Variants in MRPL39 observed in about 807,000 individuals in gnomAD.
The protein encoded by MRPL39 is large ribosomal subunit protein mL39.
Under a neutral mutation model 44.5 loss-of-function variants are expected in MRPL39, and 35 were observed. That is an observed-to-expected ratio of 0.79 (90% CI 0.60 to 1.04). The LOEUF (loss-of-function observed/expected upper bound fraction) is 1.04. Among genes scored for constraint, MRPL39 ranks in the 50% least tolerant of loss-of-function variants. The pLI, the probability that MRPL39 is intolerant of heterozygous loss-of-function variation, is 0.00. For synonymous variants in MRPL39, 139 were observed against 136.1 expected, an observed-to-expected ratio of 1.02 and a Z score of -0.15; for missense variants, 433 against 413.5, an observed-to-expected ratio of 1.05 and a Z score of -0.41.
intron 8 of MRPL39, among the ~76,000 whole-genome samples, chr21:25,590,949 T>C (rs752757658): frequency 1.3e-5 from 2 of 152,096 alleles, no homozygotes; most frequent in South Asian, 2.1e-4. Context: ...TGGAACAGAA[T>C]AGAGGACCCA....
At chr21:25,592,241 T>C (rs1443451538) in intron 8 of MRPL39, among the ~76,000 whole-genome samples, 1 of 152,180 alleles carries the variant, frequency 6.6e-6, no homozygotes. Context: ...ATCCCCGTAG[T>C]GAAGGAATTG....
chr21:25,598,856 GAA>G (rs57011739), intron 5 of MRPL39, among the ~76,000 whole-genome samples: 89,522 of 136,504 alleles, frequency 0.66, 30,553 homozygotes, highest in Non-Finnish European at 0.78. Context: ...TTACTAAGGG[GAA>G]AAAAAAAAAA....
intron 6 of MRPL39, among the ~76,000 whole-genome samples, chr21:25,594,249 C>CTTTTT (rs34629790): frequency 7.4e-5 from 4 of 54,228 alleles, no homozygotes; most frequent in East Asian, 2.9e-4. Flanking sequence ...TTTCTTTGTT[C>CTTTTT]TTTTTTTTTT....
intron 6 of MRPL39, among the ~76,000 whole-genome samples, chr21:25,594,709 A>G (rs1245641441): frequency 6.6e-6 from 1 of 152,070 alleles, no homozygotes; most frequent in Non-Finnish European, 1.5e-5. Flanking sequence ...CAACTTATGT[A>G]GTTGTATGTC....
chr21:25,598,252 T>C (rs933415398), intron 5 of MRPL39, among the ~76,000 whole-genome samples: 1 of 72,106 alleles, frequency 1.4e-5, no homozygotes, highest in Non-Finnish European at 4.5e-5. Flanking sequence ...CCCAACTCCA[T>C]GGAGTCTGCA....
intron 6 of MRPL39, among the ~76,000 whole-genome samples, chr21:25,596,172 C>T (rs1273871082): frequency 1.3e-5 from 2 of 151,892 alleles, no homozygotes; most frequent in Non-Finnish European, 2.9e-5. Flanking sequence ...CACCTAGGCT[C>T]ACTGCAAGCT....
At chr21:25,587,913 A>C in intron 9 of MRPL39, 1 of 714,734 alleles carries the variant, frequency 1.4e-6, no homozygotes, top group Non-Finnish European at 2.5e-6. Flanking sequence ...ATAAGGAGGA[A>C]GTCCTAATGA....
Position 25,601,404 on chromosome 21 carries a change from A to G in MRPL39, c.484T>C (p.Tyr162His). The change falls in exon 4 of 10, where the codon TAT becomes CAT. Residue 162 changes from tyrosine (Y) to histidine (H), a missense_variant. Tyr to His is a moderately conservative substitution (Grantham distance 83, BLOSUM62 2). Transcript: ENST00000352957. ...GGAGCTCTGACCAAATTGACCATAT[A>G]TTCATCTTTGAATGCCCTCTCTATC... ...CVIERAFKDE[Y>H]MVNLVRAPEV... 1 of 1,611,122 alleles carries G rather than the reference A, an allele frequency of 6.2e-7. No individual in the cohort carries two copies. Among genetic ancestry groups the G allele is most frequent in the Non-Finnish European group, 8.5e-7 (1 of 1,178,294 alleles).
chr21:25,606,661 G>C lies in MRPL39; in HGVS notation c.74-6C>G, dbSNP rs373863098. 125 of 1,601,686 alleles carry C rather than the reference G, an allele frequency of 7.8e-5. No homozygotes were observed. The highest frequency in any genetic ancestry group is 3.3e-4 in the Middle Eastern group (2 of 6,016). ...TGACGATGTTGCTATAAATCCTGTG[G>C]AGAAGTTACAATAAATATGAAGACT... On this transcript the variant is annotated splice_polypyrimidine_tract_variant and splice_region_variant and intron_variant, in intron 1 of 9. Transcript: ENST00000352957.
chr21:25,589,807 T>C (rs961910852), intron 8 of MRPL39, among the ~76,000 whole-genome samples: 7 of 110,074 alleles, frequency 6.4e-5, no homozygotes, highest in Admixed American at 1.7e-4. Flanking sequence ...ACTGGTATGT[T>C]TAAAGGGAAA....
intron 4 of MRPL39, among the ~76,000 whole-genome samples, chr21:25,600,725 T>G (rs1261960454): frequency 6.6e-6 from 1 of 152,172 alleles, no homozygotes; most frequent in Non-Finnish European, 1.5e-5. Context: ...TATTACCACC[T>G]AAGCACAGCT....
At chr21:25,593,191 G>A (rs1157554388) in intron 7 of MRPL39, among the ~76,000 whole-genome samples, 1 of 152,084 alleles carries the variant, frequency 6.6e-6, no homozygotes, top group African/African-American at 2.4e-5. Context: ...CATTGATATA[G>A]GTTTTAAGGT....
At chr21:25,593,983 A>AT (rs747707293) in intron 6 of MRPL39, 25 bp from the exon 7 acceptor site, 40 of 1,596,856 alleles carry the variant, frequency 2.5e-5, no homozygotes, top group Non-Finnish European at 3.3e-5. Flanking sequence ...AGAAAAAAAC[A>AT]TTTTTTTAAC....
chr21:25,588,371 A>G (rs1484819138), intron 9 of MRPL39, among the ~76,000 whole-genome samples: 1 of 152,208 alleles, frequency 6.6e-6, no homozygotes, highest in Non-Finnish European at 1.5e-5. Flanking sequence ...TGCTAATGAC[A>G]AAGAATAAAC....
intron 9 of MRPL39, 82 bp from the exon 10 acceptor site, chr21:25,585,836 G>A: frequency 2.1e-6 from 2 of 948,464 alleles, no homozygotes; most frequent in South Asian, 2.9e-5. Flanking sequence ...TCATTCCACA[G>A]CCCTCTTATA....
intron 9 of MRPL39, chr21:25,587,741 T>C (rs151325797): frequency 9.9e-6 from 16 of 1,612,898 alleles, no homozygotes; most frequent in African/African-American, 4.0e-5. Context: ...TCAGGCGAGG[T>C]AGTGAAGAAT....
At chr21:25,607,572 G>C (rs1601388190), upstream of MRPL39, 2 of 1,273,572 alleles carry the variant, frequency 1.6e-6, no homozygotes, top group Admixed American at 2.1e-5. Context: ...GTCTGTTCCG[G>C]ACCCAGCACT....
At chr21:25,597,478 T>G (rs1371214915) in intron 5 of MRPL39, 64 bp from the exon 6 acceptor site, 3 of 927,408 alleles carry the variant, frequency 3.2e-6, no homozygotes, top group Non-Finnish European at 5.0e-6. Flanking sequence ...CATAAGCCAG[T>G]TGAAACAAAA....
chr21:25,598,497 G>C (rs528672664), intron 5 of MRPL39, among the ~76,000 whole-genome samples: 1 of 150,804 alleles, frequency 6.6e-6, no homozygotes. Flanking sequence ...CACAGATAAT[G>C]AAAATTAAAT....
Sources: allele counts gnomAD v4.1 joint callset (sites outside exome capture counted in the v4.1 genomes callset), GRCh38; gene constraint gnomAD v4.1.1; transcripts MANE v1.5; gene names NCBI Gene and HGNC (gene_info 2026-07-23, HGNC 2026-07-21).